SPAG16: variants seen among roughly 807,000 people sequenced by gnomAD.
The protein encoded by SPAG16 is sperm associated antigen 16.
A neutral mutation model predicts 80.4 loss-of-function variants in SPAG16; 86 were observed. The observed-to-expected ratio is 1.07, with a 90% CI of 0.90 to 1.28. The LOEUF (loss-of-function observed/expected upper bound fraction) is 1.28, where lower values mean the gene tolerates loss of function less well. Ranked by LOEUF, SPAG16 falls within the 50% of genes most tolerant of loss-of-function variation. The pLI is 0.00. For missense variants in SPAG16, 870 were observed against 765.3 expected, an observed-to-expected ratio of 1.14 and a Z score of -1.61; for synonymous variants, 294 against 265.9, an observed-to-expected ratio of 1.11 and a Z score of -1.03.
intron 15 of SPAG16, among the ~76,000 whole-genome samples, chr2:214,342,106 T>C (rs1697744710): frequency 6.6e-6 from 1 of 152,230 alleles, no homozygotes. Flanking sequence ...AAATCTGGTA[T>C]AAACTGATTT....
intron 15 of SPAG16, among the ~76,000 whole-genome samples, chr2:214,304,217 C>T (rs1255176643): frequency 6.6e-6 from 1 of 152,084 alleles, no homozygotes; most frequent in Non-Finnish European, 1.5e-5. Context: ...GGGAACAGGC[C>T]CCCCAAAATC....
chr2:214,193,210 T>C (rs2057716424), intron 15 of SPAG16, among the ~76,000 whole-genome samples: 1 of 151,866 alleles, frequency 6.6e-6, no homozygotes, highest in African/African-American at 2.4e-5. Flanking sequence ...AAAAAATACA[T>C]CTATGAGCAA....
rs1165853142 is a variant in SPAG16 at position 213,859,178 on chromosome 2, C to CAAAAAAAAAAAAAAAA, written c.1071-3284_1071-3269dup. On this transcript the variant is annotated intron_variant, in intron 10 of 15. Transcript: ENST00000331683. ...TGGGCAACAGAGCGACACTCCGTCT[C>CAAAAAAAAAAAAAAAA]AAAAAAAAAAAAAAAAAAAAAAAAA... Among the ~76,000 whole-genome samples the CAAAAAAAAAAAAAAAA allele has an allele frequency of 2.9e-3, 27 of 9,378 alleles. 13 individuals carry two copies. Among genetic ancestry groups the CAAAAAAAAAAAAAAAA allele is most frequent in the East Asian group, 7.8e-3 (2 of 256 alleles). The allele number at this position is 9,378 out of a possible 152,430, so 6.2% of individuals were successfully genotyped here. A position where few individuals can be genotyped will look rare whatever the true frequency, so the allele number is the denominator to read the frequency against.
intron 11 of SPAG16, among the ~76,000 whole-genome samples, chr2:213,881,529 T>A (rs530645354): frequency 3.9e-5 from 6 of 152,302 alleles, no homozygotes; most frequent in African/African-American, 1.2e-4. Flanking sequence ...TTTAATTGAC[T>A]CACAGTTCAG....
intron 15 of SPAG16, among the ~76,000 whole-genome samples, chr2:214,375,555 A>AACTT (rs529993741): frequency 4.6e-5 from 7 of 152,074 alleles, no homozygotes; most frequent in Non-Finnish European, 1.0e-4. Context: ...CACACACACA[A>AACTT]ACTTACTTAT....
intron 9 of SPAG16, among the ~76,000 whole-genome samples, chr2:213,455,437 C>G (rs1461814938): frequency 6.6e-6 from 1 of 152,106 alleles, no homozygotes; most frequent in Non-Finnish European, 1.5e-5. Context: ...TGAAACAAGC[C>G]AGGCATGGAC....
chr2:213,848,981 T>G (rs1326864630), intron 10 of SPAG16, among the ~76,000 whole-genome samples: 1 of 152,152 alleles, frequency 6.6e-6, no homozygotes, highest in African/African-American at 2.4e-5. Context: ...AATATGTGCC[T>G]CAAATTCCAA....
rs540624958 is a variant in SPAG16, at chr2:213,334,743, C to T, written c.537-5420C>T. Among the ~76,000 whole-genome samples, 6 of 152,192 alleles carry T rather than the reference C, an allele frequency of 3.9e-5. No individual in the cohort carries two copies. The South Asian group carries it at 1.0e-3, about 26-fold the overall frequency. On this transcript the variant is annotated intron_variant, in intron 5 of 15. Coordinates refer to ENST00000331683, the MANE Select transcript of SPAG16 (RefSeq NM_024532.5). ...ACATGTTCTCATTTATCTGTGGAAT[C>T]TAGAAATCAAAACAATTGAACTAAT...
intron 14 of SPAG16, among the ~76,000 whole-genome samples, chr2:214,120,227 G>A (rs1426716014): frequency 6.6e-6 from 1 of 151,080 alleles, no homozygotes; most frequent in Non-Finnish European, 1.5e-5. Context: ...TTACTACTTT[G>A]TGTGGCATCC....
intron 10 of SPAG16, among the ~76,000 whole-genome samples, chr2:213,663,430 T>C (rs1308607823): frequency 6.6e-6 from 1 of 152,118 alleles, no homozygotes; most frequent in African/African-American, 2.4e-5. Flanking sequence ...AATTAAATTG[T>C]TGTATTTTGT....
intron 5 of SPAG16, 52 bp downstream of exon 5, chr2:213,317,408 A>G: frequency 1.3e-6 from 2 of 1,559,192 alleles, no homozygotes; most frequent in Non-Finnish European, 8.6e-7. Context: ...GACTAAATAA[A>G]AGAGTTGAGT....
chr2:213,819,193 G>A (rs1050573617), intron 10 of SPAG16, among the ~76,000 whole-genome samples: 1 of 152,146 alleles, frequency 6.6e-6, no homozygotes, highest in Non-Finnish European at 1.5e-5. Context: ...ATTTAAGCAG[G>A]CCCTACAAAG....
At chr2:213,292,667 A>AAAAC in intron 1 of SPAG16, among the ~76,000 whole-genome samples, 1 of 135,790 alleles carries the variant, frequency 7.4e-6, no homozygotes, top group Non-Finnish European at 1.7e-5. Flanking sequence ...CCGTCTCAAA[A>AAAAC]AAAAAAAACA....
At chr2:214,121,984 C>T (rs2054243233) in intron 14 of SPAG16, among the ~76,000 whole-genome samples, 1 of 151,734 alleles carries the variant, frequency 6.6e-6, no homozygotes, top group African/African-American at 2.4e-5. Flanking sequence ...ATAAGGCATA[C>T]TCAACCTGTA....
intron 15 of SPAG16, among the ~76,000 whole-genome samples, chr2:214,323,642 C>A (rs1019169446): frequency 2.6e-5 from 4 of 152,062 alleles, no homozygotes; most frequent in Non-Finnish European, 5.9e-5. Context: ...AAATAGATTG[C>A]GATATTTCTT....
At chr2:214,219,495 T>G (rs546936781) in intron 15 of SPAG16, among the ~76,000 whole-genome samples, 46 of 152,274 alleles carry the variant, frequency 3.0e-4, no homozygotes, top group Non-Finnish European at 5.6e-4. Flanking sequence ...CTTGAAATAT[T>G]TGCCTCACAT....
intron 13 of SPAG16, 81 bp from the exon 14 acceptor site, chr2:214,108,115 T>G: frequency 1.8e-6 from 2 of 1,126,200 alleles, no homozygotes; most frequent in Non-Finnish European, 2.6e-6. Context: ...AAAATTACTT[T>G]AAAACTTAAA....
At chr2:214,137,048 TG>T (rs1260096345) in intron 14 of SPAG16, among the ~76,000 whole-genome samples, 1 of 152,148 alleles carries the variant, frequency 6.6e-6, no homozygotes, top group African/African-American at 2.4e-5. Flanking sequence ...TGACAGGTAC[TG>T]TGTGTGATGT....
At chr2:213,379,208 G>T (rs2067042289) in intron 9 of SPAG16, among the ~76,000 whole-genome samples, 1 of 152,164 alleles carries the variant, frequency 6.6e-6, no homozygotes, top group Admixed American at 6.5e-5. Flanking sequence ...ATGGTGAGTG[G>T]TGCCACTTCC....
Sources: allele counts gnomAD v4.1 joint callset (sites outside exome capture counted in the v4.1 genomes callset), GRCh38; gene constraint gnomAD v4.1.1; transcripts MANE v1.5; gene names NCBI Gene and HGNC (gene_info 2026-07-23, HGNC 2026-07-21).